FHIT: variants seen among roughly 807,000 people sequenced by gnomAD.
FHIT encodes bis(5'-adenosyl)-triphosphatase.
Under a neutral mutation model 17.9 loss-of-function variants are expected in FHIT, and 19 were observed. The observed-to-expected ratio is 1.06, with a 90% CI of 0.74 to 1.56. FHIT has a LOEUF of 1.56. Among genes scored for constraint, FHIT ranks in the 40% most tolerant of loss-of-function variants. The pLI, the probability that FHIT is intolerant of heterozygous loss-of-function variation, is 0.00. For synonymous variants in FHIT, 81 were observed against 69.7 expected (o/e 1.16, Z -0.81); for missense variants, 248 against 189.2 (o/e 1.31, Z -1.82).
chr3:61,179,913 T>C (rs1419535614), intron 2 of FHIT, among the ~76,000 whole-genome samples: 1 of 152,060 alleles, frequency 6.6e-6, no homozygotes, highest in Non-Finnish European at 1.5e-5. Flanking sequence ...GGAAAATTCA[T>C]CAAGATGTAC....
chr3:60,593,924 T>C (rs1228347090), intron 4 of FHIT, among the ~76,000 whole-genome samples: 5 of 152,062 alleles, frequency 3.3e-5, no homozygotes, highest in Non-Finnish European at 5.9e-5. Context: ...TAAGACCAAA[T>C]ATTCTCCCTC....
At chr3:60,794,648 A>G (rs1700912661) in intron 4 of FHIT, among the ~76,000 whole-genome samples, 1 of 152,222 alleles carries the variant, frequency 6.6e-6, no homozygotes, top group Non-Finnish European at 1.5e-5. Context: ...ATACTTTCGT[A>G]CTTGAGGAAT....
chr3:60,479,930 G>A (rs539205370), intron 5 of FHIT, among the ~76,000 whole-genome samples: 46 of 152,278 alleles, frequency 3.0e-4, no homozygotes, highest in African/African-American at 1.0e-3. Flanking sequence ...GGCTACTGAC[G>A]TAAAGTACAT....
chr3:61,149,206 G>T (rs1025850364), intron 2 of FHIT, among the ~76,000 whole-genome samples: 1 of 152,136 alleles, frequency 6.6e-6, no homozygotes, highest in East Asian at 1.9e-4. Context: ...GTGGATGGCA[G>T]AGTAATAGAT....
chr3:60,256,359 A>AT lies in FHIT; in HGVS notation c.104-242208dup, dbSNP rs1384083989. ...TTCCTTGCTCTCACTAAATTTACCC[A>AT]TTTTTCTCAAGCCTTTTAAGATTTC... On this transcript the variant is annotated intron_variant, in intron 5 of 9. Transcript: ENST00000492590. Among the ~76,000 whole-genome samples the AT allele has an allele frequency of 3.3e-5, 5 of 152,128 alleles. No individual in the cohort carries two copies. In the East Asian group the frequency reaches 9.7e-4, roughly 29 times the overall value.
In FHIT at chr3:59,983,917, T is replaced by C. The variant is rs150401660; in HGVS notation, c.279+27454A>G. 1.1e-3 allele frequency among the ~76,000 whole-genome samples: 169 copies of C among 151,580 alleles called. 1 individual carries two copies. Among genetic ancestry groups the C allele is most frequent in the African/African-American group, 3.8e-3 (159 of 41,438 alleles). On this transcript the variant is annotated intron_variant, in intron 7 of 9. Transcript: ENST00000492590. ...TCATGAGGGAGGAAGAGTTGCTGCA[T>C]AGACCAAAAACAAGAGCCTCTACGT... is the stretch of plus-strand genomic sequence containing the variant.
intron 5 of FHIT, among the ~76,000 whole-genome samples, chr3:60,445,701 T>C (rs2031284355): frequency 6.6e-6 from 1 of 152,078 alleles, no homozygotes; most frequent in Middle Eastern, 3.4e-3. Flanking sequence ...TTTTTCCCCC[T>C]GTAGACACAC....
chr3:60,375,111 A>AAAAAC (rs1700496354), intron 5 of FHIT, among the ~76,000 whole-genome samples: 1 of 151,914 alleles, frequency 6.6e-6, no homozygotes, highest in African/African-American at 2.4e-5. Context: ...TTTGAAAAAA[A>AAAAAC]AAAAACAAAA....
chr3:61,039,303 T>C (rs182464046), intron 3 of FHIT, among the ~76,000 whole-genome samples: 28 of 152,292 alleles, frequency 1.8e-4, no homozygotes, highest in African/African-American at 6.7e-4. Flanking sequence ...TTATAGAGAT[T>C]ACTACAACAA....
At chr3:60,384,538 A>G (rs2736830) in intron 5 of FHIT, among the ~76,000 whole-genome samples, 6,461 of 152,130 alleles carry the variant, frequency 0.042, 488 homozygotes, top group African/African-American at 0.14. Flanking sequence ...ACAGTAGTTA[A>G]CCCCTGATAG....
At chr3:60,175,522 A>G (rs1701630027) in intron 5 of FHIT, among the ~76,000 whole-genome samples, 1 of 152,216 alleles carries the variant, frequency 6.6e-6, no homozygotes, top group Non-Finnish European at 1.5e-5. Context: ...CAAAAAGAAA[A>G]GACTAAATTA....
At chr3:61,153,794 C>G (rs1242354398) in intron 2 of FHIT, among the ~76,000 whole-genome samples, 3 of 152,122 alleles carry the variant, frequency 2.0e-5, no homozygotes, top group African/African-American at 7.2e-5. Flanking sequence ...TAGCCAATGT[C>G]CATAGCCTAG....
chr3:61,141,828 A>G (rs902626385), intron 2 of FHIT, among the ~76,000 whole-genome samples: 4 of 151,604 alleles, frequency 2.6e-5, no homozygotes, highest in African/African-American at 9.7e-5. Flanking sequence ...CCAAGTTCGT[A>G]CCAGTTCCCA....
intron 2 of FHIT, among the ~76,000 whole-genome samples, chr3:61,098,997 T>C (rs1488111985): frequency 6.6e-6 from 1 of 152,218 alleles, no homozygotes; most frequent in African/African-American, 2.4e-5. Context: ...TGTCTTATGC[T>C]GATTTTCAGT....
chr3:60,649,546 A>G (rs2107804545), intron 4 of FHIT, among the ~76,000 whole-genome samples: 1 of 152,366 alleles, frequency 6.6e-6, no homozygotes, highest in Non-Finnish European at 1.5e-5. Context: ...CTATACTGAA[A>G]TTATAAATGA....
intron 2 of FHIT, among the ~76,000 whole-genome samples, chr3:61,140,259 A>T (rs2037042129): frequency 6.6e-6 from 1 of 152,188 alleles, no homozygotes; most frequent in Admixed American, 6.5e-5. Flanking sequence ...TATGATGATG[A>T]CGATGATGTC....
rs1018966092 is a variant in FHIT, at chr3:60,688,605, T to C, written c.-18+133314A>G. Among the ~76,000 whole-genome samples the C allele has an allele frequency of 3.3e-5, 5 of 152,080 alleles. No homozygotes were observed. The East Asian group carries it at 9.7e-4, about 30-fold the overall frequency. The stretch of plus-strand genomic sequence containing the variant: ...CACCACAAGGCCAGGCTAATTTTTG[T>C]ATTTTTAGTAGAGTTGGGGTTTCTC... On this transcript the variant is annotated intron_variant, in intron 4 of 9. Transcript: ENST00000492590.
At chr3:60,476,145 A>G (rs1480917878) in intron 5 of FHIT, among the ~76,000 whole-genome samples, 2 of 152,200 alleles carry the variant, frequency 1.3e-5, no homozygotes, top group African/African-American at 2.4e-5. Flanking sequence ...CTCATTGAGG[A>G]GATATGCACC....
At chr3:60,543,129 C>T (rs1023883526) in intron 4 of FHIT, among the ~76,000 whole-genome samples, 12 of 152,078 alleles carry the variant, frequency 7.9e-5, no homozygotes, top group Non-Finnish European at 1.8e-4. Context: ...GGACCAGACA[C>T]AGCAGGCCAC....
Sources: allele counts gnomAD v4.1 joint callset (sites outside exome capture counted in the v4.1 genomes callset), GRCh38; gene constraint gnomAD v4.1.1; transcripts MANE v1.5; gene names NCBI Gene and HGNC (gene_info 2026-07-23, HGNC 2026-07-21).